DIP2A: variants seen among roughly 807,000 people sequenced by gnomAD.
DIP2A encodes disco-interacting protein 2 homolog A.
In DIP2A, 85 loss-of-function variants were observed where a neutral mutation model predicts 177.4. The ratio of observed to expected loss-of-function variants is 0.48; its 90% CI spans 0.40 to 0.57. The LOEUF (loss-of-function observed/expected upper bound fraction) is 0.57, where lower values mean the gene tolerates loss of function less well. DIP2A is among the 20% of genes least tolerant of loss of function. DIP2A has a pLI of 0.00. For synonymous variants in DIP2A, 886 were observed against 881.8 expected, an observed-to-expected ratio of 1.00 and a Z score of -0.08; for missense variants, 1,791 against 2,100.2, an observed-to-expected ratio of 0.85 and a Z score of 2.88.
At chr21:46,518,294 G>A (rs974379698) in intron 8 of DIP2A, among the ~76,000 whole-genome samples, 1 of 152,126 alleles carries the variant, frequency 6.6e-6, no homozygotes, top group Admixed American at 6.5e-5. Flanking sequence ...TAGGTCTAGG[G>A]TTATGGGCAC....
chr21:46,580,801 C>G, the DIP2A span, among the ~76,000 whole-genome samples: 8 of 152,320 alleles, frequency 5.3e-5, no homozygotes, highest in African/African-American at 1.9e-4. Context: ...AGGGTTTCCA[C>G]TGAGAATTCT....
In DIP2A at chr21:46,497,025, A is replaced by AT; in HGVS notation, c.322dup (p.Tyr108LeufsTer36). ...AAGCCGTGCAAGCAGCTTTGGCCAA[A>AT]TACAAAGAGAGGAAGATGCCTATGC... is the stretch of plus-strand genomic sequence containing the variant. On this transcript the variant is annotated frameshift_variant, in exon 4 of 38. Transcript: ENST00000417564. LOFTEE classifies it high-confidence loss of function. The AT allele has an allele frequency of 6.2e-7, 1 of 1,613,904 alleles. No homozygotes were observed. The highest frequency in any genetic ancestry group is 8.5e-7 in the Non-Finnish European group (1 of 1,179,826).
At chr21:46,521,878 G>A (rs1432766628) in intron 8 of DIP2A, among the ~76,000 whole-genome samples, 3 of 151,614 alleles carry the variant, frequency 2.0e-5, no homozygotes, top group African/African-American at 7.3e-5. Context: ...CTTTAATCTA[G>A]GCAAAAAAAA....
intron 2 of DIP2A, among the ~76,000 whole-genome samples, chr21:46,486,696 G>C (rs1309372084): frequency 6.6e-6 from 1 of 152,178 alleles, no homozygotes; most frequent in Non-Finnish European, 1.5e-5. Context: ...CTGTTGGAGA[G>C]GATTCAATCA....
At position 46,554,802 on chromosome 21, in the gene DIP2A, C is replaced by G; in HGVS notation, c.3277-20C>G. ...GCTTGAGAGGCCCCGCCCACCCACC[C>G]TTGGCCCCTCGCCATGCAGGTCAGC... is the stretch of plus-strand genomic sequence containing the variant. On this transcript the variant is annotated intron_variant, in intron 27 of 37. Coordinates refer to ENST00000417564, the MANE Select transcript of DIP2A (RefSeq NM_015151.4). 1 of 1,520,612 alleles carries G rather than the reference C, an allele frequency of 6.6e-7. No individual in the cohort carries two copies. The highest frequency in any genetic ancestry group is 1.4e-5 in the African/African-American group (1 of 69,126). The allele number at this position is 1,520,612 out of a possible 1,614,324, so 94.2% of individuals were successfully genotyped here.
chr21:46,565,906 G>A lies in DIP2A; in HGVS notation c.4339+19G>A. 6.2e-7 allele frequency: 1 copy of A among 1,613,266 alleles called. No homozygotes were observed. On this transcript the variant is annotated intron_variant, in intron 36 of 37. Coordinates refer to ENST00000417564, the MANE Select transcript of DIP2A (RefSeq NM_015151.4). ...AGTGGAGGTGAGGGGTTGTGGTGAA[G>A]CCCTGCGTGAGTGCTGTGCGGGGAG...
At chr21:46,567,037 A>C (rs1047979457) in intron 37 of DIP2A, among the ~76,000 whole-genome samples, 1 of 152,252 alleles carries the variant, frequency 6.6e-6, no homozygotes, top group Non-Finnish European at 1.5e-5. Flanking sequence ...GGCAAAATGT[A>C]GATTTCCACA....
chr21:46,485,216 A>C (rs2148438958), intron 2 of DIP2A, among the ~76,000 whole-genome samples: 1 of 150,010 alleles, frequency 6.7e-6, no homozygotes, highest in Non-Finnish European at 1.5e-5. Context: ...GATTCAGTGC[A>C]TTCATCATTT....
chr21:46,567,499 G>C lies in DIP2A; in HGVS notation c.4593G>C (p.Val1531=), dbSNP rs146953731. The change falls in exon 38 of 38, where the codon GTG becomes GTC. Residue 1531 remains valine (V), a synonymous_variant. Coordinates refer to ENST00000417564, the MANE Select transcript of DIP2A (RefSeq NM_015151.4). ...AGGAGCACTACCTGGTCGTGGGAGT[G>C]GTGGTCATCGTGGACCCAGGGGTGA... The part of the protein sequence containing the change: ...VLEEHYLVVG[V]VVIVDPGVIP... 1.2e-6 allele frequency: 2 copies of C among 1,613,834 alleles called. No individual in the cohort carries two copies. Among genetic ancestry groups the C allele is most frequent in the African/African-American group, 2.7e-5 (2 of 74,930 alleles).
intron 1 of DIP2A, among the ~76,000 whole-genome samples, chr21:46,476,830 A>AT (rs2055890482): frequency 1.3e-5 from 2 of 151,612 alleles, no homozygotes; most frequent in African/African-American, 2.4e-5. Flanking sequence ...TAATTTCTGT[A>AT]TTTTTTATTA....
rs769044620 is a variant in DIP2A, at chr21:46,537,430, G to A, written c.1708-16G>A. The stretch of plus-strand genomic sequence containing the variant: ...GCTCGGGCCCACTCGCCCTAAGCAT[G>A]TGTGCTCCCCCACAGAGCGTCATGA... On this transcript the variant is annotated splice_polypyrimidine_tract_variant and intron_variant, in intron 14 of 37. Coordinates refer to ENST00000417564, the MANE Select transcript of DIP2A (RefSeq NM_015151.4). This position sits in a 1 kb window ranked among gnomAD's most constrained non-coding sequence, Gnocchi z 4.1. The A allele has an allele frequency of 3.7e-6, 6 of 1,613,926 alleles. No homozygotes were observed. Among genetic ancestry groups the A allele is most frequent in the Non-Finnish European group, 5.1e-6 (6 of 1,179,854 alleles).
At chr21:46,550,384 T>A (rs1378797377) in intron 22 of DIP2A, among the ~76,000 whole-genome samples, 159 bp from the exon 23 acceptor site, 1 of 152,204 alleles carries the variant, frequency 6.6e-6, no homozygotes, top group Non-Finnish European at 1.5e-5. Flanking sequence ...CTGCACACAC[T>A]TCTCTTCATC....
At chr21:46,475,091 T>C (rs1007964555) in intron 1 of DIP2A, among the ~76,000 whole-genome samples, 1 of 151,982 alleles carries the variant, frequency 6.6e-6, no homozygotes, top group African/African-American at 2.4e-5. Context: ...CACTTAACAC[T>C]CTTCCTAACT....
intron 8 of DIP2A, among the ~76,000 whole-genome samples, chr21:46,514,435 CAAAAA>C (rs201042541): frequency 6.6e-4 from 88 of 133,382 alleles, no homozygotes; most frequent in African/African-American, 2.3e-3. Context: ...GACTCCATCT[CAAAAA>C]AAAAAAAAAT....
At chr21:46,506,612 G>A (rs189770447) in intron 6 of DIP2A, among the ~76,000 whole-genome samples, 136 of 152,002 alleles carry the variant, frequency 8.9e-4, no homozygotes, top group African/African-American at 2.8e-3. Flanking sequence ...TTTCCCTAAC[G>A]GCTGATGGTG....
intron 5 of DIP2A, among the ~76,000 whole-genome samples, chr21:46,499,212 A>G (rs1429857640): frequency 6.6e-6 from 1 of 152,148 alleles, no homozygotes; most frequent in Non-Finnish European, 1.5e-5. Flanking sequence ...AGTTGTTGAT[A>G]CTTCTTTAAT....
chr21:46,558,128 C>G, intron 31 of DIP2A, 95 bp from the exon 32 acceptor site: 1 of 1,332,736 alleles, frequency 7.5e-7, no homozygotes, highest in Non-Finnish European at 1.0e-6. Context: ...AGCTCCACCT[C>G]TGTGTGCCCA....
chr21:46,558,207 C>T lies in DIP2A; in HGVS notation c.3799-16C>T. The T allele has an allele frequency of 1.2e-6, 2 of 1,602,932 alleles. No homozygotes were observed. Among genetic ancestry groups the T allele is most frequent in the Middle Eastern group, 1.9e-4 (1 of 5,366 alleles). ...CTGAGCTGTGGCCGTGGCCTGACCG[C>T]TCACCCCTCCCGCAGATGAAGGGGG... On this transcript the variant is annotated splice_polypyrimidine_tract_variant and intron_variant, in intron 31 of 37. Transcript: ENST00000417564.
intron 8 of DIP2A, among the ~76,000 whole-genome samples, chr21:46,526,157 G>A (rs1267997498): frequency 6.6e-6 from 1 of 151,784 alleles, no homozygotes; most frequent in African/African-American, 2.4e-5. Flanking sequence ...TGATCCACCT[G>A]CCTTGGCCTC....
Sources: gnomAD v4.1 joint callset for allele counts (sites outside exome capture counted in the v4.1 genomes callset) on GRCh38, gnomAD v4.1.1 for gene constraint, Gnocchi (gnomAD v3.1) non-coding constraint, MANE v1.5 for transcripts, NCBI Gene and HGNC (gene_info 2026-07-23, HGNC 2026-07-21) for gene names.